The following TXK variants were observed in gnomAD, a reference collection of about 807,000 sequenced individuals.
TXK encodes the protein TXK tyrosine kinase.
TXK carries 60 observed loss-of-function variants against 81.0 expected under a neutral mutation model. The ratio of observed to expected loss-of-function variants is 0.74; its 90% CI spans 0.60 to 0.92. The LOEUF (loss-of-function observed/expected upper bound fraction) is 0.92. TXK is among the 40% of genes least tolerant of loss of function. The pLI is 0.00. For missense variants in TXK, 581 were observed against 638.3 expected, an observed-to-expected ratio of 0.91 and a Z score of 0.97; for synonymous variants, 203 against 210.7, an observed-to-expected ratio of 0.96 and a Z score of 0.32.
In TXK at chr4:48,067,254, A is replaced by G; in HGVS notation, c.*383T>C. 1 of 200,092 alleles carries G rather than the reference A, an allele frequency of 5.0e-6. No homozygotes were observed. The highest frequency in any genetic ancestry group is 8.8e-5 in the South Asian group (1 of 11,372). 12.4% of individuals were successfully genotyped at this position (200,092 alleles called of 1,614,324 possible). A position where few individuals can be genotyped will look rare whatever the true frequency, so the allele number is the denominator to read the frequency against. On this transcript the variant is annotated 3_prime_UTR_variant, in exon 15 of 15. Transcript: ENST00000264316. ...TATTTTCATATTCTATGCATGGATCACTGAAGTGATGAATGTCACTCGTCT... is the reference window on the plus strand; with the variant it reads ...TATTTTCATATTCTATGCATGGATCGCTGAAGTGATGAATGTCACTCGTCT...
At position 48,112,486 on chromosome 4, in the gene TXK, T is replaced by C. The variant is rs1416135619; in HGVS notation, c.201A>G (p.Ser67=). The C allele has an allele frequency of 1.9e-6, 3 of 1,613,998 alleles. No homozygotes were observed. Among genetic ancestry groups the C allele is most frequent in the Admixed American group, 1.7e-5 (1 of 59,998 alleles). ...GGAGGGGAGGCAGTGGCTTTCGTTT[T>C]GACGGCTGCACACGGCCCGTGTTGG... The part of the protein sequence containing the change: ...KQSNTGRVQP[S]KRKPLPPLPP... Residue 67 remains serine (S), a synonymous_variant, in exon 4 of 15, where the codon TCA becomes TCG. Coordinates refer to ENST00000264316, the MANE Select transcript of TXK (RefSeq NM_003328.3).
intron 5 of TXK, 117 bp downstream of exon 5, chr4:48,110,421 T>C: frequency 1.5e-6 from 1 of 688,212 alleles, no homozygotes; most frequent in East Asian, 2.8e-5. Flanking sequence ...CTCTTTATTA[T>C]TAACGCTGTC....
chr4:48,099,859 C>T (rs1315279916), intron 6 of TXK, among the ~76,000 whole-genome samples: 1 of 152,162 alleles, frequency 6.6e-6, no homozygotes, highest in African/African-American at 2.4e-5. Flanking sequence ...CTCCTTACAT[C>T]AGGAAAAATT....
At chr4:48,067,798 T>C (rs1716669457) in intron 14 of TXK, 93 bp from the exon 15 acceptor site, 4 of 1,206,776 alleles carry the variant, frequency 3.3e-6, no homozygotes, top group African/African-American at 1.5e-5. Flanking sequence ...GAGTCACTTA[T>C]ATCCCACTGC....
At chr4:48,068,827 A>G (rs1435484665) in intron 14 of TXK, among the ~76,000 whole-genome samples, 1 of 152,224 alleles carries the variant, frequency 6.6e-6, no homozygotes, top group African/African-American at 2.4e-5. Context: ...GCTTATAAAC[A>G]GAGAGCATCA....
intron 6 of TXK, among the ~76,000 whole-genome samples, chr4:48,095,898 G>T (rs1306686178): frequency 6.6e-6 from 1 of 152,192 alleles, no homozygotes; most frequent in Non-Finnish European, 1.5e-5. Context: ...CTTGAATGTT[G>T]CATTGTTTAG....
At chr4:48,080,477 C>T (rs1351129575) in intron 10 of TXK, among the ~76,000 whole-genome samples, 1 of 152,094 alleles carries the variant, frequency 6.6e-6, no homozygotes. Context: ...TCCTTGAATT[C>T]CAACTTTCTT....
chr4:48,094,776 C>A (rs1254501170), intron 7 of TXK, among the ~76,000 whole-genome samples: 1 of 152,118 alleles, frequency 6.6e-6, no homozygotes, highest in Non-Finnish European at 1.5e-5. Flanking sequence ...AGCCACGGGG[C>A]GCACAAGTTC....
chr4:48,124,421 T>C (rs75419261), intron 1 of TXK, among the ~76,000 whole-genome samples: 6 of 144,204 alleles, frequency 4.2e-5, no homozygotes, highest in African/African-American at 1.4e-4. Flanking sequence ...CATCTTATCC[T>C]TTTTTTTTTA....
intron 1 of TXK, among the ~76,000 whole-genome samples, chr4:48,132,019 C>A (rs1162495805): frequency 1.2e-4 from 18 of 149,446 alleles, no homozygotes; most frequent in Admixed American, 1.2e-3. Flanking sequence ...ATTTTCAGGT[C>A]AGCACAACTG....
intron 1 of TXK, among the ~76,000 whole-genome samples, chr4:48,124,022 T>A (rs1242476449): frequency 6.6e-6 from 1 of 152,218 alleles, no homozygotes; most frequent in African/African-American, 2.4e-5. Flanking sequence ...AAAGCACCTA[T>A]GCCCTGTCCC....
At chr4:48,074,586 T>C (rs1716992036) in intron 12 of TXK, among the ~76,000 whole-genome samples, 1 of 152,134 alleles carries the variant, frequency 6.6e-6, no homozygotes, top group African/African-American at 2.4e-5. Context: ...TGGCCCTATA[T>C]GGAAAGAAAC....
intron 1 of TXK, among the ~76,000 whole-genome samples, chr4:48,124,533 T>A (rs887272603): frequency 6.6e-6 from 1 of 151,896 alleles, no homozygotes; most frequent in Non-Finnish European, 1.5e-5. Flanking sequence ...CCCACCAATA[T>A]CAACACCCTT....
In TXK at chr4:48,071,673, T is replaced by C. The variant is rs748475373; in HGVS notation, c.1359A>G (p.Gly453=). The C allele has an allele frequency of 4.3e-6, 7 of 1,613,338 alleles. No homozygotes were observed. The highest frequency in any genetic ancestry group is 5.9e-6 in the Non-Finnish European group (7 of 1,179,760). The change falls in exon 14 of 15, where the codon GGA becomes GGG. Residue 453 remains glycine (G), a splice_region_variant and synonymous_variant. Coordinates refer to ENST00000264316, the MANE Select transcript of TXK (RefSeq NM_003328.3). ...YSSKSDVWSF[G]VLMWEVFTEG... ...CTGTAAAAACTTCCCACATTAAAACTCCTGCAAACAAAAATGCAGGAAAAC... is the reference window on the plus strand; with the variant it reads ...CTGTAAAAACTTCCCACATTAAAACCCCTGCAAACAAAAATGCAGGAAAAC...
chr4:48,091,409 A>C (rs1158603597), intron 8 of TXK, among the ~76,000 whole-genome samples: 3 of 152,198 alleles, frequency 2.0e-5, no homozygotes, highest in African/African-American at 7.2e-5. Flanking sequence ...TGGGACTCAT[A>C]AGCCACGCTA....
intron 6 of TXK, among the ~76,000 whole-genome samples, chr4:48,102,465 GA>G (rs556457352): frequency 1.3e-5 from 2 of 151,784 alleles, no homozygotes; most frequent in Admixed American, 1.3e-4. Flanking sequence ...CCAATGAATT[GA>G]AAAAAAACTG....
At chr4:48,103,262 T>G (rs1718274649) in intron 6 of TXK, among the ~76,000 whole-genome samples, 1 of 152,240 alleles carries the variant, frequency 6.6e-6, no homozygotes. Flanking sequence ...GGACCTCCTC[T>G]GGGACTTTCC....
intron 1 of TXK, among the ~76,000 whole-genome samples, chr4:48,121,253 T>C (rs1290552166): frequency 1.3e-5 from 2 of 152,228 alleles, no homozygotes; most frequent in East Asian, 1.9e-4. Flanking sequence ...GGATGTCTAG[T>C]AGATACTTCA....
chr4:48,115,712 A>T (rs748088151), intron 1 of TXK, among the ~76,000 whole-genome samples: 1 of 152,004 alleles, frequency 6.6e-6, no homozygotes, highest in African/African-American at 2.4e-5. Context: ...AAAATTAGCC[A>T]GGCATGGTGG....
Sources: gnomAD v4.1 joint callset for allele counts (sites outside exome capture counted in the v4.1 genomes callset) on GRCh38, gnomAD v4.1.1 for gene constraint, MANE v1.5 for transcripts, NCBI Gene and HGNC (gene_info 2026-07-23, HGNC 2026-07-21) for gene names.